Variants in PXDN observed in about 807,000 individuals in gnomAD.
PXDN encodes the protein peroxidasin homolog.
In PXDN, 77 loss-of-function variants were observed where a neutral mutation model predicts 140.3. The observed-to-expected ratio is 0.55, with a 90% CI of 0.46 to 0.66. The LOEUF is 0.66. Ranked by LOEUF, PXDN falls within the 30% of genes least tolerant of loss-of-function variation. The probability of loss-of-function intolerance (pLI) is 0.00; values close to 1 mark genes in which losing one functional copy is unlikely to be tolerated. For missense variants in PXDN, 1,838 were observed against 2,039.5 expected (o/e 0.90, Z 1.90); for synonymous variants, 911 against 857.4 (o/e 1.06, Z -1.09).
chr2:1,702,152 G>A (rs1477186783), intron 1 of PXDN, among the ~76,000 whole-genome samples: 1 of 152,230 alleles, frequency 6.6e-6, no homozygotes, highest in Non-Finnish European at 1.5e-5. Flanking sequence ...CTTTGGCTGT[G>A]AGGGTCATTT....
intron 9 of PXDN, among the ~76,000 whole-genome samples, chr2:1,668,109 G>C (rs1420487040): frequency 6.6e-6 from 1 of 152,130 alleles, no homozygotes; most frequent in African/African-American, 2.4e-5. Flanking sequence ...CAGAGATATA[G>C]ACAATAGAAC....
chr2:1,681,365 T>C (rs1453775021), intron 6 of PXDN, among the ~76,000 whole-genome samples: 1 of 152,064 alleles, frequency 6.6e-6, no homozygotes, highest in Non-Finnish European at 1.5e-5. Flanking sequence ...TCAAATAGTC[T>C]GCGAGCCTAA....
At chr2:1,710,500 C>T (rs558988476) in intron 1 of PXDN, among the ~76,000 whole-genome samples, 17 of 150,188 alleles carry the variant, frequency 1.1e-4, no homozygotes, top group African/African-American at 4.2e-4. Flanking sequence ...CCACTCTCCA[C>T]TAGCACCCAC....
At chr2:1,733,656 C>T (rs538229215) in intron 1 of PXDN, among the ~76,000 whole-genome samples, 2 of 148,438 alleles carry the variant, frequency 1.3e-5, no homozygotes, top group South Asian at 2.1e-4. Flanking sequence ...GCAGGAGAAT[C>T]GCTTGAACCC....
At chr2:1,710,442 CAT>C (rs781610845) in intron 1 of PXDN, among the ~76,000 whole-genome samples, 6 of 152,194 alleles carry the variant, frequency 3.9e-5, no homozygotes, top group Admixed American at 6.5e-5. Context: ...GGAGGTGACA[CAT>C]GTTAGATGAG....
At chr2:1,703,036 G>A (rs1684477401) in intron 1 of PXDN, among the ~76,000 whole-genome samples, 1 of 61,088 alleles carries the variant, frequency 1.6e-5, no homozygotes, top group Non-Finnish European at 3.2e-5. Context: ...GGTGAAGGGG[G>A]GGCAGCTCCA....
At chr2:1,711,735 G>T (rs931147071) in intron 1 of PXDN, among the ~76,000 whole-genome samples, 1 of 152,224 alleles carries the variant, frequency 6.6e-6, no homozygotes, top group South Asian at 2.1e-4. Flanking sequence ...CTGGGGGAAG[G>T]CAAGTGCTGG....
chr2:1,648,561 G>A lies in PXDN; in HGVS notation c.3219C>T (p.Gly1073=). 6.2e-7 allele frequency: 1 copy of A among 1,613,682 alleles called. No individual in the cohort carries two copies. The change falls in exon 17 of 23, where the codon GGC becomes GGT. Residue 1073 remains glycine (G), a synonymous_variant. Transcript: ENST00000252804. The surrounding 1 kb of genome is among the most constrained non-coding windows in gnomAD (Gnocchi z 8.9). ...NAFATAAFRF[G]HTLVNPLLYR... The stretch of plus-strand genomic sequence containing the variant: ...AAAGCAGTGGGTTGACAAGCGTGTG[G>A]CCAAACCTGAAGGCCGCGGTGGCGA...
chr2:1,676,003 ATTTTC>A (rs1430579415), intron 8 of PXDN, among the ~76,000 whole-genome samples: 1 of 151,942 alleles, frequency 6.6e-6, no homozygotes, highest in Non-Finnish European at 1.5e-5. Flanking sequence ...TTACTTCAGG[ATTTTC>A]TTTTAAGGAT....
chr2:1,663,675 C>T lies in PXDN; in HGVS notation c.1497G>A (p.Gln499=), dbSNP rs771440852. 5 of 1,613,936 alleles carry T rather than the reference C, an allele frequency of 3.1e-6. No individual in the cohort carries two copies. The East Asian group carries it at 6.7e-5, about 22-fold the overall frequency. ...TGATGTTGACAGCCTGGCATTCGTACTGGCCCTGGTCGTGGAGGGCAACAC... is the reference window on the plus strand; with the variant it reads ...TGATGTTGACAGCCTGGCATTCGTATTGGCCCTGGTCGTGGAGGGCAACAC... The part of the protein sequence containing the change: ...ISGVALHDQG[Q]YECQAVNIIG... Residue 499 remains glutamine, a synonymous_variant, in exon 12 of 23, where the codon CAG becomes CAA. Coordinates refer to ENST00000252804, the MANE Select transcript of PXDN (RefSeq NM_012293.3).
intron 1 of PXDN, among the ~76,000 whole-genome samples, chr2:1,700,123 G>A (rs552483235): frequency 9.2e-5 from 14 of 152,046 alleles, no homozygotes; most frequent in East Asian, 1.9e-4. Flanking sequence ...GTGGAGTGGC[G>A]CGATCTCAGG....
At chr2:1,712,558 T>A (rs188402517) in intron 1 of PXDN, among the ~76,000 whole-genome samples, 1 of 152,076 alleles carries the variant, frequency 6.6e-6, no homozygotes, top group Non-Finnish European at 1.5e-5. Flanking sequence ...AGAGTGGAAA[T>A]CTAAATTTGC....
At chr2:1,704,270 G>A (rs1174869776) in intron 1 of PXDN, among the ~76,000 whole-genome samples, 3 of 31,776 alleles carry the variant, frequency 9.4e-5, no homozygotes, top group East Asian at 8.6e-4. Flanking sequence ...GGGGGGGACA[G>A]CTCCAGGTGA....
rs11685976 is a variant in PXDN, at chr2:1,648,070, C to G, written c.3608+102G>C. 1.4e-6 allele frequency: 2 copies of G among 1,452,990 alleles called. No individual in the cohort carries two copies. Among genetic ancestry groups the G allele is most frequent in the Non-Finnish European group, 9.4e-7 (1 of 1,066,756 alleles). The allele number at this position is 1,452,990 out of a possible 1,614,324, so 90.0% of individuals were successfully genotyped here. ...ACCTTCATCTCACCTCTGCACGACA[C>G]GAACAAAACTCACACACAGAGACAA... On this transcript the variant is annotated intron_variant, in intron 17 of 22. Coordinates refer to ENST00000252804, the MANE Select transcript of PXDN (RefSeq NM_012293.3). The surrounding 1 kb of genome is among the most constrained non-coding windows in gnomAD (Gnocchi z 8.9).
At position 1,687,166 on chromosome 2, in the gene PXDN, G is replaced by A. The variant is rs1558509127; in HGVS notation, c.416+466C>T. Among the ~76,000 whole-genome samples, 2 of 152,196 alleles carry A rather than the reference G, an allele frequency of 1.3e-5. No homozygotes were observed. Among genetic ancestry groups the A allele is most frequent in the Non-Finnish European group, 2.9e-5 (2 of 68,040 alleles). On this transcript the variant is annotated intron_variant, in intron 4 of 22. Transcript: ENST00000252804. The surrounding 1 kb of genome is among the most constrained non-coding windows in gnomAD (Gnocchi z 4.0). ...AAAGAAAGGTTTTCTCCAAAATAAT[G>A]TCACCACAATTGAAGAAATTCAGCT...
intron 2 of PXDN, 61 bp from the exon 3 acceptor site, chr2:1,692,060 T>G: frequency 8.2e-7 from 1 of 1,225,162 alleles, no homozygotes; most frequent in Non-Finnish European, 1.1e-6. Flanking sequence ...CGAAGTTGTG[T>G]TAAAACATTC....
chr2:1,680,396 G>A, intron 6 of PXDN, 34 bp from the exon 7 acceptor site: 1 of 1,611,748 alleles, frequency 6.2e-7, no homozygotes, highest in Non-Finnish European at 8.5e-7. Flanking sequence ...GTGAGACATG[G>A]GGTGGCTGGG....
In PXDN at chr2:1,648,833, C is replaced by T; in HGVS notation, c.2947G>A (p.Gly983Ser). 6.2e-7 allele frequency: 1 copy of T among 1,601,492 alleles called. No homozygotes were observed. Among genetic ancestry groups the T allele is most frequent in the Non-Finnish European group, 8.5e-7 (1 of 1,176,166 alleles). The change falls in exon 17 of 23, where the codon GGC becomes AGC. Residue 983 changes from glycine to serine, a missense_variant. Around this residue, in one of 5 missense-constraint regions of PXDN, gnomAD observed 850 missense variants for 894.1 expected, o/e 0.95. Transcript: ENST00000252804. This position sits in a 1 kb window ranked among gnomAD's most constrained non-coding sequence, Gnocchi z 8.9. Reference sequence around the variant, plus strand: ...CACAGCGTGTGCATGCTGGTCAGGCCCAGCTGCTCGTTGGCGCGGTGGTCC... The same window carrying T: ...CACAGCGTGTGCATGCTGGTCAGGCTCAGCTGCTCGTTGGCGCGGTGGTCC... Reference protein sequence around the residue: ...AGDHRANEQLGLTSMHTLWFR... With the variant: ...AGDHRANEQLSLTSMHTLWFR...
intron 14 of PXDN, among the ~76,000 whole-genome samples, chr2:1,658,027 GCTCTCTCT>G (rs1156959508): frequency 7.6e-3 from 37 of 4,888 alleles, no homozygotes; most frequent in South Asian, 0.013. Context: ...TCAGCTGTGG[GCTCTCTCT>G]CTCTCTCTCT....
Sources: allele counts gnomAD v4.1 joint callset (sites outside exome capture counted in the v4.1 genomes callset), GRCh38; gene constraint gnomAD v4.1.1; regional missense constraint gnomAD v4.1.1; non-coding constraint Gnocchi (gnomAD v3.1); transcripts MANE v1.5; gene names NCBI Gene and HGNC (gene_info 2026-07-23, HGNC 2026-07-21).